The following SLAMF6 variants were observed in gnomAD, a reference collection of about 807,000 sequenced individuals.
The protein encoded by SLAMF6 is NK-T-B-antigen.
A neutral mutation model predicts 38.3 loss-of-function variants in SLAMF6; 21 were observed. The observed-to-expected ratio is 0.55, with a 90% CI of 0.39 to 0.79. SLAMF6 has a LOEUF of 0.79. Among genes scored for constraint, SLAMF6 ranks in the 30% least tolerant of loss-of-function variants. The pLI is 0.00. For synonymous variants in SLAMF6, 152 were observed against 146.3 expected, an observed-to-expected ratio of 1.04 and a Z score of -0.28; for missense variants, 341 against 385.3, an observed-to-expected ratio of 0.89 and a Z score of 0.96.
At chr1:160,492,759 T>G (rs560826626) in intron 2 of SLAMF6, among the ~76,000 whole-genome samples, 4 of 152,320 alleles carry the variant, frequency 2.6e-5, no homozygotes, top group South Asian at 2.1e-4. Context: ...TGTTGACAAC[T>G]GCATCCTTCC....
At chr1:160,486,906 T>C (rs977895248) in intron 7 of SLAMF6, 152 bp from the exon 8 acceptor site, 4 of 1,014,754 alleles carry the variant, frequency 3.9e-6, no homozygotes, top group Non-Finnish European at 5.9e-6. Context: ...AAACATGTAA[T>C]TGAAAACTCA....
intron 1 of SLAMF6, among the ~76,000 whole-genome samples, chr1:160,509,143 C>A (rs1486509783): frequency 5.3e-5 from 8 of 152,188 alleles, no homozygotes; most frequent in Admixed American, 2.6e-4. Context: ...ACCCAGCCAT[C>A]CCATTACTGG....
chr1:160,495,020 G>A (rs1018317832), intron 2 of SLAMF6, among the ~76,000 whole-genome samples: 9 of 152,146 alleles, frequency 5.9e-5, no homozygotes, highest in Non-Finnish European at 1.5e-5. Context: ...CCTGTTTGGT[G>A]TTCTATTCTT....
intron 1 of SLAMF6, among the ~76,000 whole-genome samples, chr1:160,514,265 CAAAG>C (rs1480936145): frequency 6.6e-6 from 1 of 151,900 alleles, no homozygotes; most frequent in African/African-American, 2.4e-5. Flanking sequence ...CCAAAAAAGA[CAAAG>C]AAAGGCATGG....
chr1:160,498,453 T>C (rs1440110851), intron 1 of SLAMF6, among the ~76,000 whole-genome samples: 1 of 152,052 alleles, frequency 6.6e-6, no homozygotes, highest in Non-Finnish European at 1.5e-5. Context: ...ACAAGCATGG[T>C]GGAAGGTGAA....
chr1:160,488,450 T>C (rs1344219466), intron 6 of SLAMF6, among the ~76,000 whole-genome samples: 1 of 152,172 alleles, frequency 6.6e-6, no homozygotes, highest in African/African-American at 2.4e-5. Context: ...TCAAAATGTA[T>C]GGTATTATTT....
intron 1 of SLAMF6, among the ~76,000 whole-genome samples, chr1:160,518,691 T>C (rs531968898): frequency 6.6e-6 from 1 of 152,028 alleles, no homozygotes; most frequent in Admixed American, 6.6e-5. Context: ...AAACACCGCA[T>C]GTTCTTTAAG....
At chr1:160,489,297 G>T in intron 5 of SLAMF6, 127 bp from the exon 6 acceptor site, 1 of 836,916 alleles carries the variant, frequency 1.2e-6, no homozygotes. Context: ...CTTTCCTGAG[G>T]GATCATTCGT....
At chr1:160,514,203 G>A (rs61702023) in intron 1 of SLAMF6, among the ~76,000 whole-genome samples, 5,230 of 152,166 alleles carry the variant, frequency 0.034, 348 homozygotes, top group African/African-American at 0.12. Flanking sequence ...CCAGAAAAAA[G>A]CAGGGATTGC....
intron 1 of SLAMF6, among the ~76,000 whole-genome samples, chr1:160,503,169 A>G (rs1189241050): frequency 6.6e-6 from 1 of 152,154 alleles, no homozygotes; most frequent in Non-Finnish European, 1.5e-5. Flanking sequence ...AGAAGTTGGA[A>G]TATTTCGCTT....
At chr1:160,498,907 G>T (rs903368470) in intron 1 of SLAMF6, among the ~76,000 whole-genome samples, 1 of 152,002 alleles carries the variant, frequency 6.6e-6, no homozygotes, top group African/African-American at 2.4e-5. Context: ...TTTTAATGGG[G>T]TTATTCGTCT....
intron 2 of SLAMF6, among the ~76,000 whole-genome samples, chr1:160,494,641 A>G (rs760869245): frequency 3.9e-5 from 6 of 152,216 alleles, no homozygotes; most frequent in Non-Finnish European, 8.8e-5. Flanking sequence ...AGAGAAAAGC[A>G]AAAGGATGTT....
Position 160,508,111 on chromosome 1 carries a change from C to T in SLAMF6, c.50-11718G>A, listed in dbSNP as rs183245474. Among the ~76,000 whole-genome samples the T allele has an allele frequency of 1.4e-4, 22 of 152,182 alleles. No individual in the cohort carries two copies. The East Asian group carries it at 4.0e-3, about 28-fold the overall frequency. On this transcript the variant is annotated intron_variant, in intron 1 of 7. Coordinates refer to ENST00000368057, the MANE Select transcript of SLAMF6 (RefSeq NM_001184714.2). Reference sequence around the variant, plus strand: ...AGGTAATTTGTAGATTCAATGCCATCCCCATCAAGCTACCAATGACTTTCT... The same window carrying T: ...AGGTAATTTGTAGATTCAATGCCATTCCCATCAAGCTACCAATGACTTTCT...
intron 2 of SLAMF6, 158 bp from the exon 3 acceptor site, chr1:160,491,546 T>C (rs1653301786): frequency 3.3e-6 from 2 of 597,836 alleles, no homozygotes; most frequent in Non-Finnish European, 4.2e-6. Context: ...GCCTAATTGA[T>C]GGTAGCAAGG....
intron 1 of SLAMF6, among the ~76,000 whole-genome samples, chr1:160,518,491 A>C (rs1446368129): frequency 6.6e-6 from 1 of 152,174 alleles, no homozygotes; most frequent in African/African-American, 2.4e-5. Context: ...TTGCAGCACT[A>C]TTCATAATAG....
chr1:160,517,890 T>C (rs1419882479), intron 1 of SLAMF6, among the ~76,000 whole-genome samples: 6 of 151,846 alleles, frequency 4.0e-5, no homozygotes, highest in Admixed American at 3.3e-4. Flanking sequence ...TTAAGAAAAA[T>C]AGATAATGCA....
chr1:160,520,702 G>T (rs191842022), intron 1 of SLAMF6, among the ~76,000 whole-genome samples: 6 of 152,216 alleles, frequency 3.9e-5, no homozygotes, highest in Non-Finnish European at 5.9e-5. Context: ...TTTCAATATG[G>T]TTTGTCTTTT....
chr1:160,488,449 A>G (rs977267788), intron 6 of SLAMF6, among the ~76,000 whole-genome samples: 20 of 152,174 alleles, frequency 1.3e-4, no homozygotes, highest in African/African-American at 4.6e-4. Context: ...CTCAAAATGT[A>G]TGGTATTATT....
chr1:160,500,051 G>A (rs1485995112), intron 1 of SLAMF6, among the ~76,000 whole-genome samples: 6 of 152,210 alleles, frequency 3.9e-5, no homozygotes, highest in African/African-American at 7.2e-5. Flanking sequence ...AGTCAAGAGA[G>A]TGGTTACCTT....
Sources: gnomAD v4.1 joint callset for allele counts (sites outside exome capture counted in the v4.1 genomes callset) on GRCh38, gnomAD v4.1.1 for gene constraint, MANE v1.5 for transcripts, NCBI Gene and HGNC (gene_info 2026-07-23, HGNC 2026-07-21) for gene names.